The following NAV3 variants were observed in gnomAD, a reference collection of about 807,000 sequenced individuals.
The protein encoded by NAV3 is pore membrane and/or filament interacting like protein 1.
Under a neutral mutation model 244.7 loss-of-function variants are expected in NAV3, and 87 were observed. The observed-to-expected ratio is 0.36, with a 90% CI of 0.30 to 0.42. NAV3 has a LOEUF of 0.42. Among genes scored for constraint, NAV3 ranks in the 20% least tolerant of loss-of-function variants. The pLI, the probability that NAV3 is intolerant of heterozygous loss-of-function variation, is 1.00. For synonymous variants in NAV3, 1,126 were observed against 1,042.2 expected, an observed-to-expected ratio of 1.08 and a Z score of -1.55; for missense variants, 2,663 against 2,893.3, an observed-to-expected ratio of 0.92 and a Z score of 1.83.
At chr12:77,955,769 C>T (rs1891302270) in intron 3 of NAV3, among the ~76,000 whole-genome samples, 1 of 152,088 alleles carries the variant, frequency 6.6e-6, no homozygotes, top group Non-Finnish European at 1.5e-5. Flanking sequence ...ACCCAGGAGG[C>T]TGAGGCAGGA....
At chr12:77,921,456 A>T (rs1371780953) in intron 1 of NAV3, among the ~76,000 whole-genome samples, 2 of 152,108 alleles carry the variant, frequency 1.3e-5, no homozygotes, top group Admixed American at 6.6e-5. Context: ...ACTTACATAA[A>T]CGTTGGCAGC....
chr12:77,625,761 C>G (rs992611076), intron 2 of NAV3, among the ~76,000 whole-genome samples: 1 of 152,184 alleles, frequency 6.6e-6, no homozygotes, highest in Non-Finnish European at 1.5e-5. Flanking sequence ...AAGTATCCTA[C>G]TCAACCAACA....
chr12:77,971,210 A>G (rs1031775116), intron 5 of NAV3, among the ~76,000 whole-genome samples: 16 of 152,118 alleles, frequency 1.1e-4, no homozygotes, highest in African/African-American at 3.6e-4. Context: ...AGTTTATGAA[A>G]AGTATTCTTT....
chr12:77,980,732 T>C (rs1019929020), intron 5 of NAV3, among the ~76,000 whole-genome samples: 2 of 152,186 alleles, frequency 1.3e-5, no homozygotes, highest in Non-Finnish European at 1.5e-5. Context: ...AGAACAGCAT[T>C]GTAGCGTAGT....
chr12:78,155,491 G>A (rs1158133554), intron 22 of NAV3, among the ~76,000 whole-genome samples: 2 of 152,008 alleles, frequency 1.3e-5, no homozygotes, highest in Non-Finnish European at 2.9e-5. Context: ...ATGCATGCAG[G>A]TATCTTTATA....
intron 11 of NAV3, 41 bp downstream of exon 11, chr12:78,051,188 G>C (rs2137266830): frequency 6.4e-7 from 1 of 1,567,738 alleles, no homozygotes; most frequent in Non-Finnish European, 8.7e-7. Context: ...GTGAAGAGGG[G>C]AGGTGGTCTA....
intron 11 of NAV3, 106 bp downstream of exon 11, chr12:78,051,253 A>G: frequency 7.8e-7 from 1 of 1,280,136 alleles, no homozygotes; most frequent in Non-Finnish European, 1.1e-6. Flanking sequence ...AGTCATGAGA[A>G]CATATGAGAT....
intron 2 of NAV3, among the ~76,000 whole-genome samples, chr12:77,778,348 C>T (rs1870485481): frequency 1.3e-5 from 2 of 151,438 alleles, no homozygotes; most frequent in Non-Finnish European, 2.9e-5. Flanking sequence ...CGCGGTGGCT[C>T]ACTCCTGTAA....
chr12:77,822,289 A>T (rs1872777115), intron 2 of NAV3, among the ~76,000 whole-genome samples: 1 of 152,166 alleles, frequency 6.6e-6, no homozygotes, highest in Admixed American at 6.5e-5. Flanking sequence ...TGCATTCTTT[A>T]AAAATCCGTT....
rs749790482 is a variant in NAV3, at chr12:78,168,777, G to A, written c.4892G>A (p.Arg1631Lys). 5.0e-6 allele frequency: 8 copies of A among 1,609,750 alleles called. No individual in the cohort carries two copies. The Admixed American group carries it at 1.2e-4, about 24-fold the overall frequency. The change falls in exon 24 of 40, where the codon AGA becomes AAA. Residue 1631 changes from arginine to lysine, a missense_variant. This residue lies in a region of NAV3 where 48 missense variants were observed against 90.0 expected (regional missense o/e 0.53). Transcript: ENST00000397909. The part of the protein sequence containing the change: ...EQKESELIEL[R>K]ETIEMLKAQN... ...CAGGAATCTGAACTTATAGAACTAA[G>A]AGAAACCATTGAAATGCTGAAGGCT...
In NAV3 at chr12:78,122,061, C is replaced by T. The variant is rs1240133694; in HGVS notation, c.3871C>T (p.Pro1291Ser). 1 of 1,614,064 alleles carries T rather than the reference C, an allele frequency of 6.2e-7. No individual in the cohort carries two copies. Among genetic ancestry groups the T allele is most frequent in the African/African-American group, 1.3e-5 (1 of 74,928 alleles). Reference protein sequence around the residue: ...TLARQGSLESPSSGTGSMGSA... With the variant: ...TLARQGSLESSSSGTGSMGSA... ...AGCGCGGCAAGGCAGTCTGGAGTCA[C>T]CGTCGTCCGGTACGGGCAGCATGGG... The change falls in exon 16 of 40, where the codon CCG becomes TCG. Residue 1291 changes from proline (P) to serine (S), a missense_variant. By Grantham distance (74) the Pro-to-Ser change is moderately conservative. Around this residue, in one of 6 missense-constraint regions of NAV3, gnomAD observed 354 missense variants for 413.0 expected, o/e 0.86. Coordinates refer to ENST00000397909, the MANE Select transcript of NAV3 (RefSeq NM_001024383.2).
intron 2 of NAV3, among the ~76,000 whole-genome samples, chr12:77,606,418 T>A (rs191785695): frequency 6.6e-6 from 1 of 152,288 alleles, no homozygotes; most frequent in African/African-American, 2.4e-5. Flanking sequence ...CACTATTTCA[T>A]CATGTCTCAT....
chr12:77,930,694 CA>C (rs1888699306), intron 1 of NAV3, among the ~76,000 whole-genome samples: 1 of 152,120 alleles, frequency 6.6e-6, no homozygotes. Flanking sequence ...TGTTGGATTC[CA>C]TTATTTTCAC....
intron 1 of NAV3, among the ~76,000 whole-genome samples, chr12:77,856,823 A>T (rs1878459620): frequency 6.6e-6 from 1 of 152,124 alleles, no homozygotes; most frequent in Non-Finnish European, 1.5e-5. Flanking sequence ...TTAAAATTTG[A>T]ATGGTTTCAA....
chr12:77,655,965 C>T (rs1388909846), intron 2 of NAV3, among the ~76,000 whole-genome samples: 1 of 143,406 alleles, frequency 7.0e-6, no homozygotes, highest in Non-Finnish European at 1.5e-5. Flanking sequence ...AAGCACTGAA[C>T]ATGGAAAGGA....
At chr12:77,834,359 A>G (rs1017846801) in intron 1 of NAV3, among the ~76,000 whole-genome samples, 1 of 152,176 alleles carries the variant, frequency 6.6e-6, no homozygotes, top group Non-Finnish European at 1.5e-5. Flanking sequence ...AAAATAAAAT[A>G]TTTTTTATGG....
At chr12:77,644,998 AT>A (rs1156543145) in intron 2 of NAV3, among the ~76,000 whole-genome samples, 1 of 152,116 alleles carries the variant, frequency 6.6e-6, no homozygotes, top group Non-Finnish European at 1.5e-5. Context: ...GGGAGCAAAA[AT>A]TTGCAGTGCT....
chr12:77,927,671 G>A (rs1888350988), intron 1 of NAV3, among the ~76,000 whole-genome samples: 1 of 152,192 alleles, frequency 6.6e-6, no homozygotes, highest in Non-Finnish European at 1.5e-5. Flanking sequence ...GCTGGTAGCA[G>A]TGGAAATGCA....
chr12:78,135,305 A>C (rs887453511), intron 18 of NAV3, among the ~76,000 whole-genome samples: 1 of 152,204 alleles, frequency 6.6e-6, no homozygotes, highest in African/African-American at 2.4e-5. Context: ...CAGATCTGTC[A>C]TAGTTATTAA....
Sources: gnomAD v4.1 joint callset for allele counts (sites outside exome capture counted in the v4.1 genomes callset) on GRCh38, gnomAD v4.1.1 for gene constraint, gnomAD v4.1.1 regional missense constraint, MANE v1.5 for transcripts, NCBI Gene and HGNC (gene_info 2026-07-23, HGNC 2026-07-21) for gene names.